Variants in ATAD3B observed in about 807,000 individuals in gnomAD.
ATAD3B encodes the protein ATPase family AAA domain-containing protein 3B.
In ATAD3B, 59 loss-of-function variants were observed where a neutral mutation model predicts 70.2. That is an observed-to-expected ratio of 0.84 (90% CI 0.68 to 1.04). The LOEUF is 1.04. Among genes scored for constraint, ATAD3B ranks in the 50% least tolerant of loss-of-function variants. The pLI, the probability that ATAD3B is intolerant of heterozygous loss-of-function variation, is 0.00. For missense variants in ATAD3B, 961 were observed against 913.4 expected, an observed-to-expected ratio of 1.05 and a Z score of -0.67; for synonymous variants, 423 against 388.6, an observed-to-expected ratio of 1.09 and a Z score of -1.04.
downstream of ATAD3B, among the ~76,000 whole-genome samples, chr1:1,500,420 C>T (rs1459297712): frequency 1.2e-4 from 17 of 147,618 alleles, no homozygotes; most frequent in South Asian, 4.3e-4. Flanking sequence ...GGCGTGGTGG[C>T]GGGCACCTGT....
intron 5 of ATAD3B, 80 bp from the exon 6 acceptor site, chr1:1,482,058 G>A: frequency 6.5e-7 from 1 of 1,537,268 alleles, no homozygotes; most frequent in Non-Finnish European, 8.8e-7. Flanking sequence ...CCGGTCCGTG[G>A]CGTGGGCCGG....
chr1:1,476,209 C>T (rs554234998), intron 1 of ATAD3B, among the ~76,000 whole-genome samples: 2 of 148,218 alleles, frequency 1.3e-5, no homozygotes, highest in East Asian at 2.1e-4. Context: ...CGCTGATGCC[C>T]GTCAGCCCAG....
rs1384741999 is a variant in ATAD3B, at chr1:1,490,021, C to T, written c.1338-236C>T. 2.9e-6 allele frequency: 4 copies of T among 1,375,908 alleles called. No homozygotes were observed. In the African/African-American group the frequency reaches 4.4e-5, roughly 15 times the overall value. The allele number at this position is 1,375,908 out of a possible 1,614,324, so 85.2% of individuals were successfully genotyped here. A position where few individuals can be genotyped will look rare whatever the true frequency, so the allele number is the denominator to read the frequency against. On this transcript the variant is annotated intron_variant, in intron 13 of 15. Transcript: ENST00000673477. ...CTGGGCGAGGGTCAGCGGGGAAGTA[C>T]CACACAGGGCAAGAACAGAGGCCCG... is the stretch of plus-strand genomic sequence containing the variant.
intron 15 of ATAD3B, among the ~76,000 whole-genome samples, chr1:1,494,025 A>C (rs143195521): frequency 0.015 from 2,257 of 152,154 alleles, 61 homozygotes; most frequent in African/African-American, 0.05. Flanking sequence ...CATGTGAAGA[A>C]ATCAGGTCCA....
In ATAD3B at chr1:1,482,242, A is replaced by G; in HGVS notation, c.619A>G (p.Ile207Val). 3 of 1,611,554 alleles carry G rather than the reference A, an allele frequency of 1.9e-6. No homozygotes were observed. The highest frequency in any genetic ancestry group is 2.5e-6 in the Non-Finnish European group (3 of 1,179,370). ...AKAERENADI[I>V]REQIRLKASE... Reference sequence around the variant, plus strand: ...GGCCGAGCGGGAGAATGCAGACATCATCCGCGAGCAGATCCGCCTGAAGGC... The same window carrying G: ...GGCCGAGCGGGAGAATGCAGACATCGTCCGCGAGCAGATCCGCCTGAAGGC... Residue 207 changes from isoleucine to valine, a missense_variant, in exon 6 of 16, where the codon ATC becomes GTC. Ile to Val is a conservative substitution (Grantham distance 29, BLOSUM62 3). This residue lies in a region of ATAD3B where 349 missense variants were observed against 307.5 expected (regional missense o/e 1.14). Coordinates refer to ENST00000673477, the MANE Select transcript of ATAD3B (RefSeq NM_031921.6).
chr1:1,476,495 C>T (rs1230832456), intron 1 of ATAD3B, among the ~76,000 whole-genome samples: 4 of 150,542 alleles, frequency 2.7e-5, no homozygotes, highest in African/African-American at 7.4e-5. Flanking sequence ...CTACTTTACA[C>T]GTCTTTCTGT....
downstream of ATAD3B, among the ~76,000 whole-genome samples, chr1:1,499,218 G>A (rs572236472): frequency 4.0e-5 from 6 of 148,424 alleles, no homozygotes; most frequent in South Asian, 4.3e-4. Flanking sequence ...TGATCCGCCC[G>A]CCTCGACCTC....
chr1:1,499,531 C>CTAATTTTTGTATTTTT (rs1640895906), downstream of ATAD3B, among the ~76,000 whole-genome samples: 1 of 150,420 alleles, frequency 6.6e-6, no homozygotes. Flanking sequence ...CGTGCCCAGC[C>CTAATTTTTGTATTTTT]ATAGATAGAT....
rs1225268599 is a variant in ATAD3B, at chr1:1,489,590, G to A, written c.1337+316G>A. On this transcript the variant is annotated intron_variant, in intron 13 of 15. Coordinates refer to ENST00000673477, the MANE Select transcript of ATAD3B (RefSeq NM_031921.6). ...CAAGGGAGGTGGTCTGATTGCTGCCGCCCAGAGGTCCCCAGTAGGGTGACC... is the reference window on the plus strand; with the variant it reads ...CAAGGGAGGTGGTCTGATTGCTGCCACCCAGAGGTCCCCAGTAGGGTGACC... The A allele has an allele frequency of 2.4e-5, 28 of 1,177,582 alleles. 1 individual carries two copies. The highest frequency in any genetic ancestry group is 1.1e-4 in the South Asian group (8 of 74,244). The allele number at this position is 1,177,582 out of a possible 1,614,324, so 72.9% of individuals were successfully genotyped here. A position where few individuals can be genotyped will look rare whatever the true frequency, so the allele number is the denominator to read the frequency against.
At chr1:1,502,305 C>T (rs1640962689), downstream of ATAD3B, among the ~76,000 whole-genome samples, 1 of 151,610 alleles carries the variant, frequency 6.6e-6, no homozygotes, top group Non-Finnish European at 1.5e-5. Flanking sequence ...ACCTCCGCCT[C>T]CCGGGTTCAC....
chr1:1,489,593 C>T, intron 13 of ATAD3B: 1 of 1,184,854 alleles, frequency 8.4e-7, no homozygotes, highest in South Asian at 1.3e-5. Flanking sequence ...TGCTGCCGCC[C>T]AGAGGTCCCC....
the ATAD3B span, among the ~76,000 whole-genome samples, chr1:1,507,313 T>C: frequency 9.2e-5 from 14 of 152,200 alleles, no homozygotes; most frequent in African/African-American, 3.1e-4. Context: ...GGGCTTGTGA[T>C]ATATGGCCTT....
chr1:1,472,736 C>G (rs571518324), intron 1 of ATAD3B, among the ~76,000 whole-genome samples: 1 of 152,114 alleles, frequency 6.6e-6, no homozygotes, highest in South Asian at 2.1e-4. Context: ...ATTTGTAGCA[C>G]GATGCAGTTC....
At position 1,495,752 on chromosome 1, in the gene ATAD3B, C is replaced by G. The variant is rs778410099; in HGVS notation, c.1882C>G (p.Leu628Val). ...GGGGACTGGGCTGTGCCCAGGGCCTCTGTCCCCCAGGATGTCTTGTGGTGG... is the reference window on the plus strand; with the variant it reads ...GGGGACTGGGCTGTGCCCAGGGCCTGTGTCCCCCAGGATGTCTTGTGGTGG... ...WMGTGLCPGP[L>V]SPRMSCGGGR... Residue 628 changes from leucine to valine, a missense_variant, in exon 16 of 16, where the codon CTG (leucine) becomes GTG (valine). Transcript: ENST00000673477. 6 of 1,611,752 alleles carry G rather than the reference C, an allele frequency of 3.7e-6. No homozygotes were observed. Among genetic ancestry groups the G allele is most frequent in the Non-Finnish European group, 5.1e-6 (6 of 1,178,896 alleles).
intron 4 of ATAD3B, among the ~76,000 whole-genome samples, chr1:1,479,606 A>G (rs1276171413): frequency 1.4e-5 from 2 of 143,254 alleles, no homozygotes; most frequent in Admixed American, 1.4e-4. Flanking sequence ...GCCTGCACAT[A>G]CACCCCCACA....
At chr1:1,494,330 G>T (rs1044461471) in intron 15 of ATAD3B, among the ~76,000 whole-genome samples, 7 of 151,956 alleles carry the variant, frequency 4.6e-5, no homozygotes, top group African/African-American at 1.7e-4. Context: ...GCAGCCACTC[G>T]GGTGGACCCT....
At chr1:1,477,152 G>T in intron 1 of ATAD3B, 122 bp from the exon 2 acceptor site, 2 of 1,322,786 alleles carry the variant, frequency 1.5e-6, no homozygotes, top group Non-Finnish European at 2.1e-6. Context: ...GGGATTACAG[G>T]CGTGAACCAC....
At chr1:1,487,622 G>T (rs1315745463) in intron 11 of ATAD3B, among the ~76,000 whole-genome samples, 1 of 151,924 alleles carries the variant, frequency 6.6e-6, no homozygotes, top group Admixed American at 6.6e-5. Context: ...AACCTGCAGG[G>T]CAGAGTCTGT....
chr1:1,500,312 G>A (rs969250186), downstream of ATAD3B, among the ~76,000 whole-genome samples: 20 of 150,824 alleles, frequency 1.3e-4, no homozygotes, highest in Non-Finnish European at 1.8e-4. Context: ...CAGCACTTTG[G>A]GAGGCCGAGG....
Sources: gnomAD v4.1 joint callset for allele counts (sites outside exome capture counted in the v4.1 genomes callset) on GRCh38, gnomAD v4.1.1 for gene constraint, gnomAD v4.1.1 regional missense constraint, MANE v1.5 for transcripts, NCBI Gene and HGNC (gene_info 2026-07-23, HGNC 2026-07-21) for gene names.